ARHGEF10: variants seen among roughly 807,000 people sequenced by gnomAD.
ARHGEF10 encodes the protein Rho guanine nucleotide exchange factor (GEF) 10.
ARHGEF10 carries 140 observed loss-of-function variants against 147.4 expected under a neutral mutation model. The observed-to-expected ratio is 0.95, with a 90% confidence interval of 0.83 to 1.09. The LOEUF (loss-of-function observed/expected upper bound fraction) is 1.09. Ranked by LOEUF, ARHGEF10 falls within the 50% of genes least tolerant of loss-of-function variation. The pLI, the probability that ARHGEF10 is intolerant of heterozygous loss-of-function variation, is 0.00. For synonymous variants in ARHGEF10, 902 were observed against 695.8 expected, an observed-to-expected ratio of 1.30 and a Z score of -4.67; for missense variants, 2,222 against 1,752.7, an observed-to-expected ratio of 1.27 and a Z score of -4.78.
intron 18 of ARHGEF10, among the ~76,000 whole-genome samples, chr8:1,910,164 C>A (rs1199916173): frequency 1.3e-5 from 2 of 151,918 alleles, no homozygotes; most frequent in African/African-American, 2.4e-5. Context: ...AATTGTAGAA[C>A]AATTTAAAAA....
chr8:1,836,579 C>T (rs531111207), intron 1 of ARHGEF10, among the ~76,000 whole-genome samples: 1 of 152,266 alleles, frequency 6.6e-6, no homozygotes. Flanking sequence ...TCTAGGGACA[C>T]AGATACTTCT....
rs776443450 is a variant in ARHGEF10 at position 1,876,618 on chromosome 8, A to C, written c.727A>C (p.Ser243Arg). Residue 243 changes from serine (S) to arginine (R), a missense_variant, in exon 8 of 29, where the codon AGC becomes CGC. Physicochemically the swap from Ser to Arg is moderately radical, Grantham distance 110. Coordinates refer to ENST00000349830, the MANE Select transcript of ARHGEF10 (RefSeq NM_014629.4). ...DVENGDEGGN[S>R]SLEYGWSSSE... ...TGAGAATGGGGATGAAGGTGGAAAC[A>C]GCTCCTTGGAATACGGATGGAGTTC... The C allele has an allele frequency of 3.1e-6, 5 of 1,614,126 alleles. No individual in the cohort carries two copies. The highest frequency in any genetic ancestry group is 2.5e-6 in the Non-Finnish European group (3 of 1,180,046).
intron 10 of ARHGEF10, among the ~76,000 whole-genome samples, chr8:1,885,187 A>G (rs1420276288): frequency 6.6e-6 from 1 of 152,122 alleles, no homozygotes; most frequent in South Asian, 2.1e-4. Context: ...CTTTTGACTC[A>G]CCTCAGTTTT....
chr8:1,861,893 ATAT>A (rs980436229), intron 4 of ARHGEF10, among the ~76,000 whole-genome samples: 2 of 152,224 alleles, frequency 1.3e-5, no homozygotes, highest in African/African-American at 4.8e-5. Context: ...TTATTTTAAA[ATAT>A]TATTTGATTA....
intron 28 of ARHGEF10, among the ~76,000 whole-genome samples, chr8:1,953,386 C>T (rs113485004): frequency 6.6e-6 from 1 of 151,084 alleles, no homozygotes; most frequent in South Asian, 2.1e-4. Flanking sequence ...TCTTTCCTTT[C>T]TGTATTTTAT....
intron 2 of ARHGEF10, among the ~76,000 whole-genome samples, chr8:1,847,443 A>G (rs1479446293): frequency 6.6e-6 from 1 of 152,240 alleles, no homozygotes; most frequent in Non-Finnish European, 1.5e-5. Flanking sequence ...ATTCCAATGC[A>G]AATTACATTA....
intron 24 of ARHGEF10, 149 bp from the exon 25 acceptor site, chr8:1,929,137 A>G: frequency 1.2e-6 from 1 of 869,334 alleles, no homozygotes; most frequent in Non-Finnish European, 1.8e-6. Context: ...GTGGTTGCAA[A>G]TTTTTTAAAA....
intron 26 of ARHGEF10, among the ~76,000 whole-genome samples, chr8:1,934,636 G>A (rs1178586563): frequency 3.3e-5 from 5 of 152,272 alleles, no homozygotes; most frequent in Middle Eastern, 3.4e-3. Context: ...GTGGGCAGCC[G>A]TTTGGAAAAC....
At chr8:1,827,541 A>C (rs1052098530) in intron 1 of ARHGEF10, among the ~76,000 whole-genome samples, 6 of 152,146 alleles carry the variant, frequency 3.9e-5, no homozygotes, top group African/African-American at 1.4e-4. Flanking sequence ...CCCGACCTCA[A>C]GTGATCCACC....
intron 6 of ARHGEF10, among the ~76,000 whole-genome samples, chr8:1,867,364 C>G (rs1267550740): frequency 1.3e-5 from 2 of 152,112 alleles, no homozygotes; most frequent in East Asian, 3.9e-4. Context: ...GTGAATGATT[C>G]GTGTTTAGAT....
rs117598905 is a variant in ARHGEF10, at chr8:1,918,137, T to G, written c.2144-4827T>G. ...TGGCCTGAAAATCAACATGAAACAGTTTTTCTGAAACTGAGAATCACATTT... is the reference window on the plus strand; with the variant it reads ...TGGCCTGAAAATCAACATGAAACAGGTTTTCTGAAACTGAGAATCACATTT... On this transcript the variant is annotated intron_variant, in intron 18 of 28. Transcript: ENST00000349830. 1.1e-3 allele frequency among the ~76,000 whole-genome samples: 174 copies of G among 152,180 alleles called. 5 individuals carry two copies. In the East Asian group the frequency reaches 0.03, roughly 26 times the overall value.
At chr8:1,879,974 C>A in intron 8 of ARHGEF10, 74 bp from the exon 9 acceptor site, 1 of 1,041,152 alleles carries the variant, frequency 9.6e-7, no homozygotes, top group Non-Finnish European at 1.5e-6. Flanking sequence ...TGCCAGCATC[C>A]TCTCAATGTA....
At chr8:1,856,773 C>T (rs188053536) in intron 2 of ARHGEF10, among the ~76,000 whole-genome samples, 46 of 152,262 alleles carry the variant, frequency 3.0e-4, no homozygotes, top group Admixed American at 6.5e-4. Context: ...GGCTCTGTCC[C>T]GAGGTGCCAC....
chr8:1,931,454 G>C (rs560090916), intron 25 of ARHGEF10, among the ~76,000 whole-genome samples: 25 of 152,378 alleles, frequency 1.6e-4, no homozygotes, highest in African/African-American at 5.8e-4. Flanking sequence ...GTGCAGGGCT[G>C]TGTTTTCGCC....
At chr8:1,913,593 A>C (rs1369349850) in intron 18 of ARHGEF10, among the ~76,000 whole-genome samples, 2 of 152,192 alleles carry the variant, frequency 1.3e-5, no homozygotes, top group Non-Finnish European at 2.9e-5. Context: ...TTATTGGACC[A>C]GCATCTACCT....
chr8:1,888,134 C>CATGGGGTGAACTTTGT, intron 11 of ARHGEF10, among the ~76,000 whole-genome samples: 1 of 68,584 alleles, frequency 1.5e-5, no homozygotes, highest in African/African-American at 7.5e-5. Context: ...TGAGGGTTTG[C>CATGGGGTGAACTTTGT]GAGGAGACAC....
chr8:1,902,293 T>C (rs1376297616), intron 15 of ARHGEF10, among the ~76,000 whole-genome samples: 1 of 152,146 alleles, frequency 6.6e-6, no homozygotes, highest in Non-Finnish European at 1.5e-5. Context: ...GTGTCGAATG[T>C]GAACGAAAGC....
chr8:1,899,364 G>T (rs1810276653), intron 15 of ARHGEF10, among the ~76,000 whole-genome samples: 1 of 152,174 alleles, frequency 6.6e-6, no homozygotes, highest in African/African-American at 2.4e-5. Flanking sequence ...TGCTCAGCTT[G>T]CTTTTTCTAA....
intron 2 of ARHGEF10, among the ~76,000 whole-genome samples, chr8:1,853,759 C>A (rs1034430904): frequency 6.6e-6 from 1 of 152,224 alleles, no homozygotes; most frequent in African/African-American, 2.4e-5. Flanking sequence ...GTGTGCTCCC[C>A]GGGAATGTAG....
Sources: allele counts gnomAD v4.1 joint callset (sites outside exome capture counted in the v4.1 genomes callset), GRCh38; gene constraint gnomAD v4.1.1; transcripts MANE v1.5; gene names NCBI Gene and HGNC (gene_info 2026-07-23, HGNC 2026-07-21).